The following AGK variants were observed in gnomAD, a reference collection of about 807,000 sequenced individuals.
AGK encodes acylglycerol kinase, mitochondrial.
AGK carries 52 observed loss-of-function variants against 66.4 expected under a neutral mutation model. That is an observed-to-expected ratio of 0.78 (90% CI 0.63 to 0.99). The LOEUF (loss-of-function observed/expected upper bound fraction) is 0.99. Among genes scored for constraint, AGK ranks in the 50% least tolerant of loss-of-function variants. The pLI is 0.00. For synonymous variants in AGK, 182 were observed against 181.1 expected (o/e 1.00, Z -0.04); for missense variants, 451 against 506.6 (o/e 0.89, Z 1.05).
At chr7:141,641,610 G>A (rs553920592) in intron 12 of AGK, among the ~76,000 whole-genome samples, 3 of 152,270 alleles carry the variant, frequency 2.0e-5, no homozygotes, top group South Asian at 2.1e-4. Context: ...TTCTGTTAAC[G>A]TGACTGCTTT....
chr7:141,553,770 G>T (rs1215596786), intron 1 of AGK, among the ~76,000 whole-genome samples: 1 of 152,174 alleles, frequency 6.6e-6, no homozygotes, highest in Non-Finnish European at 1.5e-5. Flanking sequence ...CCTGGCACTG[G>T]CTTCACTGCT....
chr7:141,555,310 G>C lies in AGK; in HGVS notation c.-14-143G>C, dbSNP rs1235153941. ...GGGAGAAGATGAGCTGAGGCCAGAG[G>C]AGAAGTGGTAAGGAGGAAGAGGAGT... On this transcript the variant is annotated intron_variant, in intron 1 of 15. Transcript: ENST00000649286. The surrounding 1 kb of genome is among the most constrained non-coding windows in gnomAD (Gnocchi z 4.2). 1.8e-6 allele frequency: 1 copy of C among 551,538 alleles called. No homozygotes were observed. Among genetic ancestry groups the C allele is most frequent in the Non-Finnish European group, 3.2e-6 (1 of 315,628 alleles). 34.2% of individuals were successfully genotyped at this position (551,538 alleles called of 1,614,324 possible). A position where few individuals can be genotyped will look rare whatever the true frequency, so the allele number is the denominator to read the frequency against.
rs749791154 is a variant in AGK at position 141,615,508 on chromosome 7, T to C, written c.461T>C (p.Leu154Pro). The C allele has an allele frequency of 2.3e-5, 37 of 1,613,886 alleles. No individual in the cohort carries two copies. The highest frequency in any genetic ancestry group is 3.1e-5 in the Non-Finnish European group (37 of 1,179,884). The change falls in exon 8 of 16, where the codon CTG becomes CCG. Residue 154 changes from leucine to proline, a missense_variant. Coordinates refer to ENST00000649286, the MANE Select transcript of AGK (RefSeq NM_018238.4). ...AAGATTCCCATTGGATTTATCCCAC[T>C]GGGAGAGACCAGTAGTTTGAGTCAT... ...FSKIPIGFIP[L>P]GETSSLSHTL...
In AGK at chr7:141,578,325, G is replaced by A. The variant is rs532850281; in HGVS notation, c.102-14821G>A. Among the ~76,000 whole-genome samples the A allele has an allele frequency of 3.3e-5, 5 of 151,952 alleles. No individual in the cohort carries two copies. In the South Asian group the frequency reaches 1.0e-3, roughly 32 times the overall value. On this transcript the variant is annotated intron_variant, in intron 2 of 15. Coordinates refer to ENST00000649286, the MANE Select transcript of AGK (RefSeq NM_018238.4). ...GCTTTTGAGCCAAGATGAGCCAGGA[G>A]AAGGAATTTCACAAGGTAATGTCAT...
chr7:141,598,990 C>T lies in AGK; in HGVS notation c.222-2215C>T, dbSNP rs1796285832. The T allele has an allele frequency of 6.6e-6, 1 of 152,150 alleles. No individual in the cohort carries two copies. The highest frequency in any genetic ancestry group is 1.5e-5 in the Non-Finnish European group (1 of 68,008). 9.4% of individuals were successfully genotyped at this position (152,150 alleles called of 1,614,324 possible). A position where few individuals can be genotyped will look rare whatever the true frequency, so the allele number is the denominator to read the frequency against. On this transcript the variant is annotated intron_variant, in intron 4 of 15. Transcript: ENST00000649286. This position sits in a 1 kb window ranked among gnomAD's most constrained non-coding sequence, Gnocchi z 4.2. ...AGATTCTTGTTTAAAACTATAACAT[C>T]TTTATCTAAAGGTAAGCTAAAATAC...
intron 10 of AGK, among the ~76,000 whole-genome samples, chr7:141,635,936 C>T (rs369628115): frequency 3.5e-4 from 54 of 152,196 alleles, no homozygotes; most frequent in South Asian, 1.9e-3. Context: ...CTGTTTCCTC[C>T]GCATTCATAG....
At chr7:141,620,761 A>G (rs1166864208) in intron 8 of AGK, among the ~76,000 whole-genome samples, 1 of 152,198 alleles carries the variant, frequency 6.6e-6, no homozygotes, top group African/African-American at 2.4e-5. Context: ...CACAATAAAT[A>G]TCAGAGAAAA....
intron 2 of AGK, among the ~76,000 whole-genome samples, chr7:141,580,551 G>A (rs1403530364): frequency 1.3e-5 from 2 of 152,120 alleles, no homozygotes; most frequent in East Asian, 3.9e-4. Flanking sequence ...CAAAGAGTGA[G>A]TATAGCTGAA....
intron 2 of AGK, among the ~76,000 whole-genome samples, chr7:141,590,313 G>A (rs1796083885): frequency 6.6e-6 from 1 of 152,180 alleles, no homozygotes; most frequent in African/African-American, 2.4e-5. Flanking sequence ...CTGGAAATGG[G>A]CAGGATATAG....
intron 2 of AGK, among the ~76,000 whole-genome samples, chr7:141,588,242 G>A (rs1424376832): frequency 6.6e-6 from 1 of 152,184 alleles, no homozygotes; most frequent in Non-Finnish European, 1.5e-5. Context: ...TTAGCAGAAA[G>A]GGGTCCCAAT....
chr7:141,600,643 G>A (rs1011367491), intron 4 of AGK, among the ~76,000 whole-genome samples: 1 of 152,140 alleles, frequency 6.6e-6, no homozygotes, highest in African/African-American at 2.4e-5. Flanking sequence ...TTTTTAGAAC[G>A]CTTCCAGTCT....
chr7:141,575,110 T>G (rs1795705468), intron 2 of AGK, among the ~76,000 whole-genome samples: 1 of 152,174 alleles, frequency 6.6e-6, no homozygotes, highest in African/African-American at 2.4e-5. Flanking sequence ...AATCATAAAT[T>G]GAGGTGACGT....
intron 1 of AGK, among the ~76,000 whole-genome samples, chr7:141,554,050 C>T (rs760735245): frequency 9.9e-5 from 15 of 152,084 alleles, no homozygotes; most frequent in Non-Finnish European, 1.5e-4. Flanking sequence ...TTTAAAATTT[C>T]GTTTTTGAGC....
chr7:141,596,701 A>G lies in AGK; in HGVS notation c.221+60A>G, dbSNP rs1796235264. ...TTTCTAAGGGGGAAAGAAATCACAG[A>G]CTATCAGGCAGCTAGTGAGATTGTG... On this transcript the variant is annotated intron_variant, in intron 4 of 15. Transcript: ENST00000649286. The G allele has an allele frequency of 2.1e-6, 3 of 1,426,382 alleles. No individual in the cohort carries two copies. The African/African-American group carries it at 4.2e-5, about 20-fold the overall frequency. The allele number at this position is 1,426,382 out of a possible 1,614,324, so 88.4% of individuals were successfully genotyped here.
intron 9 of AGK, among the ~76,000 whole-genome samples, chr7:141,632,833 G>C (rs1797088042): frequency 6.6e-6 from 1 of 152,234 alleles, no homozygotes; most frequent in Admixed American, 6.5e-5. Flanking sequence ...TGAGAGGCCA[G>C]CATCCTTTCC....
At chr7:141,652,146 T>C (rs1797575206) in intron 15 of AGK, among the ~76,000 whole-genome samples, 1 of 152,208 alleles carries the variant, frequency 6.6e-6, no homozygotes, top group African/African-American at 2.4e-5. Flanking sequence ...GCTCTTCATA[T>C]AGCCTTTGAA....
intron 8 of AGK, among the ~76,000 whole-genome samples, chr7:141,618,372 T>C (rs571808913): frequency 5.5e-4 from 83 of 152,236 alleles, no homozygotes; most frequent in Non-Finnish European, 9.6e-4. Context: ...TGAACCTCAA[T>C]TTCTCTTACA....
intron 9 of AGK, among the ~76,000 whole-genome samples, chr7:141,624,065 C>T (rs570499933): frequency 1.3e-5 from 2 of 152,156 alleles, no homozygotes; most frequent in South Asian, 4.2e-4. Flanking sequence ...ACCCACTGCT[C>T]AGAAAAAGCA....
chr7:141,653,547 G>GAAAACTTATT lies in AGK; in HGVS notation c.*624_*633dup, dbSNP rs1797614092. On this transcript the variant is annotated 3_prime_UTR_variant, in exon 16 of 16. Transcript: ENST00000649286. ...ATGAGAGCCACCTGGGGTACATGTT[G>GAAAACTTATT]AAAACTTATTTGGGGTCTACCCCAA... 6.6e-6 allele frequency: 1 copy of GAAAACTTATT among 152,190 alleles called. No homozygotes were observed. The allele number at this position is 152,190 out of a possible 1,614,324, so 9.4% of individuals were successfully genotyped here. A position where few individuals can be genotyped will look rare whatever the true frequency, so the allele number is the denominator to read the frequency against.
Sources: gnomAD v4.1 joint callset for allele counts (sites outside exome capture counted in the v4.1 genomes callset) on GRCh38, gnomAD v4.1.1 for gene constraint, Gnocchi (gnomAD v3.1) non-coding constraint, MANE v1.5 for transcripts, NCBI Gene and HGNC (gene_info 2026-07-23, HGNC 2026-07-21) for gene names.